Variants in APBB2 observed in about 807,000 individuals in gnomAD.
APBB2 encodes Fe65-like 1.
A neutral mutation model predicts 82.5 loss-of-function variants in APBB2; 38 were observed. The ratio of observed to expected loss-of-function variants is 0.46; its 90% CI spans 0.36 to 0.60. The LOEUF is 0.60. APBB2 is among the 20% of genes least tolerant of loss of function. APBB2 has a pLI of 0.00. For missense variants in APBB2, 772 were observed against 972.3 expected, an observed-to-expected ratio of 0.79 and a Z score of 2.74; for synonymous variants, 341 against 368.2, an observed-to-expected ratio of 0.93 and a Z score of 0.85.
intron 3 of APBB2, among the ~76,000 whole-genome samples, chr4:41,096,452 A>C (rs1319492735): frequency 4.6e-5 from 7 of 152,368 alleles, no homozygotes; most frequent in South Asian, 4.1e-4. Flanking sequence ...AAATCTTGAT[A>C]AATATATTTA....
At chr4:41,060,562 TCACTCA>T (rs1729452812) in intron 4 of APBB2, among the ~76,000 whole-genome samples, 1 of 152,246 alleles carries the variant, frequency 6.6e-6, no homozygotes, top group African/African-American at 2.4e-5. Context: ...AATAGTGTCC[TCACTCA>T]CAGAGGAGAG....
At chr4:40,935,330 G>A in intron 7 of APBB2, 191 bp from the exon 8 acceptor site, 2 of 544,478 alleles carry the variant, frequency 3.7e-6, no homozygotes, top group Non-Finnish European at 6.4e-6. Flanking sequence ...TGAAGACGAG[G>A]GCAGGAGAGT....
At chr4:41,072,358 G>A (rs751689743) in intron 3 of APBB2, among the ~76,000 whole-genome samples, 25 of 152,166 alleles carry the variant, frequency 1.6e-4, no homozygotes, top group African/African-American at 4.8e-4. Flanking sequence ...GGCAGATGGC[G>A]GCTAGGCTTT....
At chr4:40,834,636 G>C (rs1753214547) in intron 12 of APBB2, among the ~76,000 whole-genome samples, 1 of 152,162 alleles carries the variant, frequency 6.6e-6, no homozygotes, top group African/African-American at 2.4e-5. Context: ...CCTGAGATGG[G>C]GATGTTACTC....
intron 1 of APBB2, among the ~76,000 whole-genome samples, chr4:41,213,929 C>G (rs1218776797): frequency 6.6e-6 from 1 of 152,200 alleles, no homozygotes; most frequent in African/African-American, 2.4e-5. Context: ...CCGAGCGGCA[C>G]AGCGGAGGCC....
At chr4:40,862,035 T>C (rs1342517704) in intron 12 of APBB2, among the ~76,000 whole-genome samples, 1 of 152,198 alleles carries the variant, frequency 6.6e-6, no homozygotes, top group Non-Finnish European at 1.5e-5. Flanking sequence ...GAAACCTAAC[T>C]GAAAATTCAA....
chr4:41,148,787 G>A (rs973229269), intron 1 of APBB2, among the ~76,000 whole-genome samples: 2 of 152,028 alleles, frequency 1.3e-5, no homozygotes, highest in Admixed American at 6.5e-5. Context: ...TTTTTTTAGC[G>A]AGCAATCACT....
chr4:41,011,579 C>T (rs935181746), intron 6 of APBB2, among the ~76,000 whole-genome samples: 2 of 151,926 alleles, frequency 1.3e-5, no homozygotes, highest in Non-Finnish European at 2.9e-5. Context: ...TACAGCCACC[C>T]GCCACCATGC....
At chr4:41,027,945 C>T (rs570254169) in intron 5 of APBB2, among the ~76,000 whole-genome samples, 2 of 152,324 alleles carry the variant, frequency 1.3e-5, no homozygotes, top group East Asian at 1.9e-4. Flanking sequence ...TCAAGAGGAT[C>T]GATTCCTAAT....
intron 1 of APBB2, among the ~76,000 whole-genome samples, chr4:41,151,241 C>T (rs1344389109): frequency 1.3e-5 from 2 of 152,076 alleles, no homozygotes; most frequent in East Asian, 3.8e-4. Context: ...TTACAGTCAA[C>T]GCATTGCAGA....
intron 12 of APBB2, among the ~76,000 whole-genome samples, chr4:40,878,214 G>C (rs1370463768): frequency 6.6e-6 from 1 of 152,076 alleles, no homozygotes; most frequent in Non-Finnish European, 1.5e-5. Context: ...GGGTGTGGTG[G>C]CACATGTCTG....
rs906917240 is a variant in APBB2, at chr4:41,081,085, C to T, written c.-148-15412G>A. 5.9e-5 allele frequency among the ~76,000 whole-genome samples: 9 copies of T among 152,300 alleles called. No individual in the cohort carries two copies. In the East Asian group the frequency reaches 1.3e-3, roughly 23 times the overall value. ...TCTTCTACGTAGTCAGTTCTCTTGACGTATCTAATGGCCACTAAAACAAGA... is the reference window on the plus strand; with the variant it reads ...TCTTCTACGTAGTCAGTTCTCTTGATGTATCTAATGGCCACTAAAACAAGA... On this transcript the variant is annotated intron_variant, in intron 3 of 17. Transcript: ENST00000508593.
chr4:41,208,010 C>T (rs1463661006), intron 1 of APBB2: 2 of 152,162 alleles, frequency 1.3e-5, no homozygotes, highest in African/African-American at 2.4e-5. Flanking sequence ...ACAGTGAAAA[C>T]CACTAACCAA....
chr4:41,159,696 C>A (rs902841844), intron 1 of APBB2, among the ~76,000 whole-genome samples: 2 of 151,884 alleles, frequency 1.3e-5, no homozygotes, highest in Non-Finnish European at 2.9e-5. Context: ...TAAAGTGCCT[C>A]TAAGCTGCAG....
chr4:41,036,037 T>C (rs1026834244), intron 4 of APBB2, among the ~76,000 whole-genome samples: 2 of 151,986 alleles, frequency 1.3e-5, no homozygotes, highest in African/African-American at 2.4e-5. Flanking sequence ...CACACACTTG[T>C]ATCCCAGCTA....
At chr4:40,906,898 T>C (rs997002303) in intron 10 of APBB2, among the ~76,000 whole-genome samples, 1 of 152,168 alleles carries the variant, frequency 6.6e-6, no homozygotes, top group African/African-American at 2.4e-5. Context: ...CATGCACTTA[T>C]TGAGAGTGTG....
intron 12 of APBB2, among the ~76,000 whole-genome samples, chr4:40,837,658 C>A (rs1351677085): frequency 6.6e-6 from 1 of 152,228 alleles, no homozygotes; most frequent in Non-Finnish European, 1.5e-5. Context: ...TCATGCCATA[C>A]CCTAGCCATT....
chr4:41,041,071 A>G (rs536644538), intron 4 of APBB2, among the ~76,000 whole-genome samples: 89 of 152,072 alleles, frequency 5.9e-4, no homozygotes, highest in Middle Eastern at 6.8e-3. Context: ...TAGTAGAGAC[A>G]GGGTTTCACC....
chr4:40,908,845 G>A (rs1191642138), intron 10 of APBB2, among the ~76,000 whole-genome samples: 1 of 152,210 alleles, frequency 6.6e-6, no homozygotes, highest in Non-Finnish European at 1.5e-5. Flanking sequence ...GGGTGCCCTT[G>A]TGCAAACTGT....
Sources: gnomAD v4.1 joint callset for allele counts (sites outside exome capture counted in the v4.1 genomes callset) on GRCh38, gnomAD v4.1.1 for gene constraint, MANE v1.5 for transcripts, NCBI Gene and HGNC (gene_info 2026-07-23, HGNC 2026-07-21) for gene names.